Variants in DERL1 observed in about 807,000 individuals in gnomAD.
The protein encoded by DERL1 is derlin-1.
In DERL1, 24 loss-of-function variants were observed where a neutral mutation model predicts 41.6. The observed-to-expected ratio is 0.58, with a 90% confidence interval of 0.42 to 0.81. The LOEUF (loss-of-function observed/expected upper bound fraction) is 0.81. Ranked by LOEUF, DERL1 falls within the 30% of genes least tolerant of loss-of-function variation. The pLI, the probability that DERL1 is intolerant of heterozygous loss-of-function variation, is 0.00. For synonymous variants in DERL1, 124 were observed against 112.5 expected (o/e 1.10, Z -0.65); for missense variants, 260 against 314.3 (o/e 0.83, Z 1.31).
chr8:123,042,250 C>CG lies in DERL1; in HGVS notation c.-129dup. ...GCCGCCGAAGCCGCGATGCAGAAGG[C>CG]GGAGACGGGCGGACGTGGCGCCACC... On this transcript the variant is annotated 5_prime_UTR_variant, in exon 1 of 8. Coordinates refer to ENST00000259512, the MANE Select transcript of DERL1 (RefSeq NM_024295.6). 12 of 1,235,658 alleles carry CG rather than the reference C, an allele frequency of 9.7e-6. No homozygotes were observed. Among genetic ancestry groups the CG allele is most frequent in the Non-Finnish European group, 1.3e-5 (12 of 937,760 alleles). The allele number at this position is 1,235,658 out of a possible 1,614,324, so 76.5% of individuals were successfully genotyped here.
In DERL1 at chr8:123,041,935, C is replaced by T. The variant is rs1236758552; in HGVS notation, c.153+35G>A. On this transcript the variant is annotated intron_variant, in intron 1 of 7. Transcript: ENST00000259512. ...TAGCCGCCGCTGGGCCTCCTGGGGC[C>T]TGTAGTCTCCACGCCCCCCGTCTCC... 4.4e-6 allele frequency: 7 copies of T among 1,574,338 alleles called. 1 individual carries two copies. Among genetic ancestry groups the T allele is most frequent in the Non-Finnish European group, 5.2e-6 (6 of 1,157,902 alleles).
chr8:123,042,248 G>A lies in DERL1; in HGVS notation c.-126C>T. On this transcript the variant is annotated 5_prime_UTR_variant, in exon 1 of 8. Transcript: ENST00000259512. ...AAGCCGCCGAAGCCGCGATGCAGAA[G>A]GCGGAGACGGGCGGACGTGGCGCCA... The A allele has an allele frequency of 8.1e-7, 1 of 1,235,946 alleles. No individual in the cohort carries two copies. The highest frequency in any genetic ancestry group is 1.1e-6 in the Non-Finnish European group (1 of 936,646). 76.6% of individuals were successfully genotyped at this position (1,235,946 alleles called of 1,614,324 possible). A position where few individuals can be genotyped will look rare whatever the true frequency, so the allele number is the denominator to read the frequency against.
At chr8:123,021,337 T>A (rs1013103194) in intron 6 of DERL1, 110 bp downstream of exon 6, 11 of 985,430 alleles carry the variant, frequency 1.1e-5, no homozygotes, top group Non-Finnish European at 1.8e-5. Context: ...AGGGTTCTAA[T>A]GCGTCAATGT....
chr8:123,016,287 C>T (rs886738003), intron 7 of DERL1: 1 of 152,228 alleles, frequency 6.6e-6, no homozygotes, highest in African/African-American at 2.4e-5. Flanking sequence ...TATTTTCCAA[C>T]TATTTCCCAT....
Position 123,022,839 on chromosome 8 carries a change from T to C in DERL1, c.358-60A>G, listed in dbSNP as rs1375092274. 12 of 1,409,492 alleles carry C rather than the reference T, an allele frequency of 8.5e-6. 1 individual carries two copies. Among genetic ancestry groups the C allele is most frequent in the South Asian group, 1.2e-5 (1 of 86,802 alleles). 87.3% of individuals were successfully genotyped at this position (1,409,492 alleles called of 1,614,324 possible). A position where few individuals can be genotyped will look rare whatever the true frequency, so the allele number is the denominator to read the frequency against. On this transcript the variant is annotated intron_variant, in intron 4 of 7. Transcript: ENST00000259512. ...CAGAGGCACTTAAAAAAGGTGTACATCTACTATGCTTTTTACCCCTCCTCT... is the reference window on the plus strand; with the variant it reads ...CAGAGGCACTTAAAAAAGGTGTACACCTACTATGCTTTTTACCCCTCCTCT...
In DERL1 at chr8:123,015,407, A is replaced by C. The variant is rs1300695451; in HGVS notation, c.*40T>G. On this transcript the variant is annotated 3_prime_UTR_variant, in exon 8 of 8. Transcript: ENST00000259512. ...GTTAAGTGCACCCAGCACTGGGAGG[A>C]AATGTGGCTTGAGAGGAGCGGCTGC... is the stretch of plus-strand genomic sequence containing the variant. 1.9e-6 allele frequency: 3 copies of C among 1,603,806 alleles called. No individual in the cohort carries two copies. Among genetic ancestry groups the C allele is most frequent in the Non-Finnish European group, 2.6e-6 (3 of 1,174,336 alleles).
At position 123,014,821 on chromosome 8, in the gene DERL1, A is replaced by T. The variant is rs1273137171; in HGVS notation, c.*626T>A. 1 of 152,246 alleles carries T rather than the reference A, an allele frequency of 6.6e-6. No homozygotes were observed. The highest frequency in any genetic ancestry group is 1.5e-5 in the Non-Finnish European group (1 of 68,050). 9.4% of individuals were successfully genotyped at this position (152,246 alleles called of 1,614,324 possible). A position where few individuals can be genotyped will look rare whatever the true frequency, so the allele number is the denominator to read the frequency against. ...TTATAAAAATATCTGAAGAAGTGGC[A>T]AACGGTTACAACGGATGTCAGGTCG... On this transcript the variant is annotated 3_prime_UTR_variant, in exon 8 of 8. Transcript: ENST00000259512.
intron 1 of DERL1, 100 bp from the exon 2 acceptor site, chr8:123,030,816 G>A: frequency 1.2e-6 from 1 of 813,238 alleles, no homozygotes; most frequent in Admixed American, 2.7e-5. Context: ...TCCTCAATGA[G>A]AGGTGTGAAA....
Position 123,015,251 on chromosome 8 carries a change from A to G in DERL1, c.*196T>C, listed in dbSNP as rs1395989178. ...TTGGTATTTGTTCTTCACAGCAGTA[A>G]GGACTTGAATGAGAATCGTGAAACT... On this transcript the variant is annotated 3_prime_UTR_variant, in exon 8 of 8. Coordinates refer to ENST00000259512, the MANE Select transcript of DERL1 (RefSeq NM_024295.6). 1.4e-6 allele frequency: 1 copy of G among 725,930 alleles called. No homozygotes were observed. The highest frequency in any genetic ancestry group is 2.1e-6 in the Non-Finnish European group (1 of 478,390). The allele number at this position is 725,930 out of a possible 1,614,324, so 45.0% of individuals were successfully genotyped here.
intron 6 of DERL1, 37 bp downstream of exon 6, chr8:123,021,410 G>C: frequency 1.3e-6 from 2 of 1,576,686 alleles, no homozygotes; most frequent in South Asian, 2.2e-5. Context: ...ATTTTCCAAG[G>C]ATTAGTTTCC....
At chr8:123,019,156 G>T (rs1814687626) in intron 7 of DERL1, 39 bp downstream of exon 7, 1 of 1,348,928 alleles carries the variant, frequency 7.4e-7, no homozygotes, top group Non-Finnish European at 1.1e-6. Flanking sequence ...AAGAACACAG[G>T]CAGTAAAATG....
chr8:123,017,531 A>G (rs1407242918), intron 7 of DERL1: 1 of 152,246 alleles, frequency 6.6e-6, no homozygotes, highest in Non-Finnish European at 1.5e-5. Flanking sequence ...TACATAATCA[A>G]CAAAAATTTA....
chr8:123,040,975 A>T (rs1436304647), intron 1 of DERL1, among the ~76,000 whole-genome samples: 2 of 152,180 alleles, frequency 1.3e-5, no homozygotes, highest in Admixed American at 1.3e-4. Context: ...TCTGGACTGA[A>T]GATATTTATA....
intron 3 of DERL1, 35 bp downstream of exon 3, chr8:123,024,951 T>A: frequency 6.2e-7 from 1 of 1,604,938 alleles, no homozygotes; most frequent in Non-Finnish European, 8.5e-7. Flanking sequence ...AAAAACTGGT[T>A]TATTTCTGGC....
intron 1 of DERL1, among the ~76,000 whole-genome samples, chr8:123,031,382 T>TA (rs1316040042): frequency 4.0e-5 from 6 of 151,800 alleles, no homozygotes; most frequent in Non-Finnish European, 7.4e-5. Context: ...CTGTCTCCAA[T>TA]AAAATTACAA....
At chr8:123,020,796 CAAAA>C (rs59816749) in intron 6 of DERL1, among the ~76,000 whole-genome samples, 2 of 112,396 alleles carry the variant, frequency 1.8e-5, no homozygotes, top group Admixed American at 9.6e-5. Flanking sequence ...CTAAAAATCC[CAAAA>C]AAAAAAAAAA....
At chr8:123,030,447 TAAG>T (rs1812797816) in intron 2 of DERL1, 155 bp downstream of exon 2, 1 of 540,820 alleles carries the variant, frequency 1.8e-6, no homozygotes, top group Non-Finnish European at 3.2e-6. Context: ...TTGAGTAAGC[TAAG>T]TGCCTGGTGC....
intron 1 of DERL1, among the ~76,000 whole-genome samples, chr8:123,031,757 T>C (rs1291295964): frequency 1.3e-5 from 2 of 152,184 alleles, no homozygotes; most frequent in Non-Finnish European, 2.9e-5. Context: ...AATATTTTAA[T>C]TGGCTTCATA....
intron 1 of DERL1, among the ~76,000 whole-genome samples, chr8:123,039,547 C>T (rs567688034): frequency 2.6e-5 from 4 of 152,196 alleles, no homozygotes; most frequent in Non-Finnish European, 5.9e-5. Flanking sequence ...CTTACTAGTC[C>T]TTCCTGGAAG....
Sources: allele counts gnomAD v4.1 joint callset (sites outside exome capture counted in the v4.1 genomes callset), GRCh38; gene constraint gnomAD v4.1.1; transcripts MANE v1.5; gene names NCBI Gene and HGNC (gene_info 2026-07-23, HGNC 2026-07-21).